Variants in ROBO2 observed in about 807,000 individuals in gnomAD.
ROBO2 encodes the protein roundabout guidance receptor 2.
ROBO2 carries 53 observed loss-of-function variants against 160.8 expected under a neutral mutation model. The ratio of observed to expected loss-of-function variants is 0.33; its 90% CI spans 0.26 to 0.41. ROBO2 has a LOEUF of 0.41. Among genes scored for constraint, ROBO2 ranks in the 10% least tolerant of loss-of-function variants. The pLI is 1.00. For missense variants in ROBO2, 1,577 were observed against 1,722.4 expected (o/e 0.92, Z 1.49); for synonymous variants, 664 against 611.7 (o/e 1.09, Z -1.26).
chr3:77,538,424 G>T (rs570498347), intron 6 of ROBO2, among the ~76,000 whole-genome samples: 45 of 151,990 alleles, frequency 3.0e-4, no homozygotes, highest in African/African-American at 1.0e-3. Flanking sequence ...TGATCTGCCC[G>T]CCTTGGTCTC....
chr3:76,431,852 G>A (rs2076450020), intron 2 of ROBO2, among the ~76,000 whole-genome samples: 1 of 152,076 alleles, frequency 6.6e-6, no homozygotes, highest in Non-Finnish European at 1.5e-5. Context: ...TTAATGCTGG[G>A]GGGATTTAAA....
chr3:76,657,529 C>T (rs1395547126), intron 2 of ROBO2, among the ~76,000 whole-genome samples: 4 of 150,264 alleles, frequency 2.7e-5, no homozygotes, highest in Non-Finnish European at 4.4e-5. Flanking sequence ...GATAATCCCT[C>T]GAGCCCAGGA....
intron 2 of ROBO2, among the ~76,000 whole-genome samples, chr3:76,521,991 A>G (rs1481002647): frequency 6.6e-6 from 1 of 152,208 alleles, no homozygotes; most frequent in Non-Finnish European, 1.5e-5. Context: ...GAATAAATAA[A>G]TCAACTTGAT....
chr3:76,608,260 T>G (rs1310396846), intron 2 of ROBO2, among the ~76,000 whole-genome samples: 2 of 152,230 alleles, frequency 1.3e-5, no homozygotes, highest in Non-Finnish European at 2.9e-5. Flanking sequence ...AGTGATGCTT[T>G]GTCTTCTTGA....
At chr3:77,258,680 A>G (rs2058585093) in intron 2 of ROBO2, among the ~76,000 whole-genome samples, 1 of 151,724 alleles carries the variant, frequency 6.6e-6, no homozygotes, top group African/African-American at 2.4e-5. Flanking sequence ...GCCTTTCAAC[A>G]CTTCCTTTTG....
intron 2 of ROBO2, among the ~76,000 whole-genome samples, chr3:76,709,961 G>A (rs2093255531): frequency 6.6e-6 from 1 of 152,156 alleles, no homozygotes; most frequent in Non-Finnish European, 1.5e-5. Context: ...AAAGGCTGCA[G>A]ATCTCAACAC....
chr3:75,956,839 C>T (rs776245907), intron 2 of ROBO2, among the ~76,000 whole-genome samples: 2 of 151,668 alleles, frequency 1.3e-5, no homozygotes, highest in Non-Finnish European at 2.9e-5. Flanking sequence ...TTCGCATTGG[C>T]CCACTTTATA....
intron 2 of ROBO2, among the ~76,000 whole-genome samples, chr3:77,383,361 A>C (rs1180095056): frequency 6.6e-6 from 1 of 152,132 alleles, no homozygotes. Context: ...CTATAGAGAA[A>C]GATATATAAG....
At chr3:77,442,552 G>A (rs190851284) in intron 2 of ROBO2, among the ~76,000 whole-genome samples, 249 of 152,240 alleles carry the variant, frequency 1.6e-3, no homozygotes, top group Non-Finnish European at 2.3e-3. Context: ...CTAAGGATAA[G>A]CATTTAAAAC....
chr3:76,864,514 T>G (rs917269918), intron 2 of ROBO2, among the ~76,000 whole-genome samples: 3 of 152,036 alleles, frequency 2.0e-5, no homozygotes, highest in East Asian at 3.9e-4. Flanking sequence ...TAGGGTAGAA[T>G]TGCCAGAAAC....
At position 77,317,061 on chromosome 3, in the gene ROBO2, G is replaced by A. The variant is rs577463911; in HGVS notation, c.389-160353G>A. 20 of 1,470,650 alleles carry A rather than the reference G, an allele frequency of 1.4e-5. No individual in the cohort carries two copies. In the East Asian group the frequency reaches 3.6e-4, roughly 27 times the overall value. The allele number at this position is 1,470,650 out of a possible 1,614,324, so 91.1% of individuals were successfully genotyped here. On this transcript the variant is annotated intron_variant, in intron 2 of 25. Transcript: ENST00000461745. ...ACTCTGTCCCGTCATTCACAGTAGT[G>A]TGAAGCTGGAATTCATCAGTCCTGT...
intron 2 of ROBO2, among the ~76,000 whole-genome samples, chr3:75,985,419 A>C (rs1287803364): frequency 6.6e-6 from 1 of 151,638 alleles, no homozygotes; most frequent in Non-Finnish European, 1.5e-5. Flanking sequence ...TATTATAGAC[A>C]ATTGTAAGAC....
rs572880211 is a variant in ROBO2, at chr3:76,869,380, G to C, written c.110-228634G>C. On this transcript the variant is annotated intron_variant, in intron 2 of 26. Coordinates refer to the ROBO2 transcript ENST00000487694. ...TTTTTTTTTTTTTGAGACGGAGTCT[G>C]ACTCTGTCGCCCAGGCTGGAGTGCA... 8.0e-3 allele frequency among the ~76,000 whole-genome samples: 862 copies of C among 107,382 alleles called. 10 individuals carry two copies. Among genetic ancestry groups the C allele is most frequent in the Middle Eastern group, 0.06 (5 of 84 alleles). The allele number at this position is 107,382 out of a possible 152,430, so 70.4% of individuals were successfully genotyped here. A position where few individuals can be genotyped will look rare whatever the true frequency, so the allele number is the denominator to read the frequency against.
rs573514987 is a variant in ROBO2 at position 77,521,027 on chromosome 3, A to G, written c.807-1748A>G. Among the ~76,000 whole-genome samples the G allele has an allele frequency of 4.6e-5, 7 of 151,408 alleles. No individual in the cohort carries two copies. In the South Asian group the frequency reaches 1.4e-3, roughly 31 times the overall value. On this transcript the variant is annotated intron_variant, in intron 5 of 25. Coordinates refer to ENST00000461745, the Ensembl canonical transcript of ROBO2. ...GTAGGAAACAAGATATGTATCATGT[A>G]TTCACCACTAGTGTTTCTTGAGCTC...
At chr3:77,158,439 G>A (rs545547043) in intron 2 of ROBO2, among the ~76,000 whole-genome samples, 55 of 152,236 alleles carry the variant, frequency 3.6e-4, no homozygotes, top group African/African-American at 1.2e-3. Context: ...GTTAATACAT[G>A]TAACTGGGGA....
At chr3:76,080,918 G>T (rs1047986135) in intron 2 of ROBO2, among the ~76,000 whole-genome samples, 2 of 151,958 alleles carry the variant, frequency 1.3e-5, no homozygotes, top group African/African-American at 4.8e-5. Context: ...TCTTACAATT[G>T]TTTGTCCTAT....
intron 2 of ROBO2, among the ~76,000 whole-genome samples, chr3:76,353,808 A>G (rs556903290): frequency 2.0e-5 from 3 of 151,870 alleles, no homozygotes; most frequent in Non-Finnish European, 4.4e-5. Flanking sequence ...CTCTAAACGC[A>G]CTTCTAATTA....
intron 2 of ROBO2, among the ~76,000 whole-genome samples, chr3:77,112,477 G>A (rs965545399): frequency 1.3e-5 from 2 of 151,930 alleles, no homozygotes; most frequent in Admixed American, 6.6e-5. Context: ...CTCCTGATGT[G>A]GGCTGATGCG....
At chr3:76,806,528 AT>A (rs1352853097) in intron 2 of ROBO2, among the ~76,000 whole-genome samples, 1 of 152,030 alleles carries the variant, frequency 6.6e-6, no homozygotes, top group Admixed American at 6.6e-5. Context: ...AAAAACATGA[AT>A]AAAAATGAAA....
Sources: gnomAD v4.1 joint callset for allele counts (sites outside exome capture counted in the v4.1 genomes callset) on GRCh38, gnomAD v4.1.1 for gene constraint, MANE v1.5 for transcripts, NCBI Gene and HGNC (gene_info 2026-07-23, HGNC 2026-07-21) for gene names.